Variants in KLRG1 observed in about 807,000 individuals in gnomAD.
KLRG1 encodes the protein killer cell lectin like receptor G1, also known as killer cell lectin-like receptor subfamily G member 1.
In KLRG1, 16 loss-of-function variants were observed where a neutral mutation model predicts 21.8. The ratio of observed to expected loss-of-function variants is 0.73; its 90% CI spans 0.50 to 1.11. The LOEUF is 1.11. Among genes scored for constraint, KLRG1 ranks in the 50% most tolerant of loss-of-function variants. The pLI, the probability that KLRG1 is intolerant of heterozygous loss-of-function variation, is 0.00. For missense variants in KLRG1, 173 were observed against 218.3 expected, an observed-to-expected ratio of 0.79 and a Z score of 1.31; for synonymous variants, 69 against 75.9, an observed-to-expected ratio of 0.91 and a Z score of 0.47.
the KLRG1 span, chr12:9,153,084 G>A: frequency 6.2e-7 from 1 of 1,609,716 alleles, no homozygotes; most frequent in Non-Finnish European, 8.5e-7. Flanking sequence ...CAATTGGCAA[G>A]TTTAAAGTTG....
the KLRG1 span, chr12:9,166,263 G>A: frequency 6.5e-7 from 1 of 1,547,914 alleles, no homozygotes; most frequent in Non-Finnish European, 8.8e-7. Flanking sequence ...TGGTGCACAT[G>A]TGAGACGTTA....
intron 2 of KLRG1, among the ~76,000 whole-genome samples, 178 bp from the exon 3 acceptor site, chr12:8,994,930 TGGACATTATGA>T (rs936407513): frequency 1.6e-4 from 24 of 152,238 alleles, no homozygotes; most frequent in Non-Finnish European, 8.8e-5. Flanking sequence ...ATGATGGAGT[TGGACATTATGA>T]GGACATTATG....
chr12:9,057,463 G>T, the KLRG1 span, among the ~76,000 whole-genome samples: 7 of 152,124 alleles, frequency 4.6e-5, no homozygotes, highest in Admixed American at 4.6e-4. Flanking sequence ...TCACCACTGT[G>T]CAATGTAGCC....
chr12:9,200,538 A>C, the KLRG1 span: 1 of 1,010,790 alleles, frequency 9.9e-7, no homozygotes, highest in Non-Finnish European at 1.5e-6. Context: ...TTTTCCCAAA[A>C]TAACACTCTG....
chr12:9,194,031 T>C, the KLRG1 span: 1 of 1,544,374 alleles, frequency 6.5e-7, no homozygotes, highest in Non-Finnish European at 8.9e-7. Flanking sequence ...ATATCACTGT[T>C]CCTAACATTT....
chr12:9,114,883 A>G, the KLRG1 span, among the ~76,000 whole-genome samples: 1 of 152,208 alleles, frequency 6.6e-6, no homozygotes, highest in Non-Finnish European at 1.5e-5. Context: ...TCAAAACAAA[A>G]TAAATACAAA....
At chr12:9,196,010 G>C in the KLRG1 span, among the ~76,000 whole-genome samples, 2 of 152,026 alleles carry the variant, frequency 1.3e-5, no homozygotes, top group South Asian at 4.1e-4. Context: ...AAATTCTGAT[G>C]CTGCCCAGGT....
chr12:8,987,290 T>A (rs996156094), upstream of KLRG1: 1 of 152,138 alleles, frequency 6.6e-6, no homozygotes, highest in Non-Finnish European at 1.5e-5. Flanking sequence ...TTAAATCAGG[T>A]TACAAGGGTG....
At chr12:9,129,400 C>A in the KLRG1 span, among the ~76,000 whole-genome samples, 2 of 151,842 alleles carry the variant, frequency 1.3e-5, no homozygotes, top group Admixed American at 1.3e-4. Flanking sequence ...TTTTTCTAAT[C>A]TTTCTCTGAC....
At chr12:9,017,169 C>T in the KLRG1 span, among the ~76,000 whole-genome samples, 20 of 141,834 alleles carry the variant, frequency 1.4e-4, no homozygotes, top group African/African-American at 5.3e-4. Context: ...GAAGCTGAGA[C>T]AGGAGAATCA....
the KLRG1 span, among the ~76,000 whole-genome samples, chr12:9,137,294 C>T: frequency 6.6e-5 from 10 of 152,120 alleles, no homozygotes; most frequent in East Asian, 1.7e-3. Flanking sequence ...CTATCCATTC[C>T]CCCTAGTGTA....
intron 1 of KLRG1, among the ~76,000 whole-genome samples, chr12:8,964,553 C>T (rs1465580291): frequency 1.4e-4 from 22 of 151,770 alleles, no homozygotes; most frequent in South Asian, 2.1e-4. Flanking sequence ...CTATTAGGTC[C>T]GCTTGGTGCA....
the KLRG1 span, chr12:9,162,741 A>G: frequency 9.8e-7 from 1 of 1,017,154 alleles, no homozygotes; most frequent in Admixed American, 2.1e-5. Flanking sequence ...TAGGGTTTAC[A>G]CGAATGATGT....
chr12:9,193,976 T>C, the KLRG1 span: 1 of 1,154,518 alleles, frequency 8.7e-7, no homozygotes, highest in South Asian at 2.1e-5. Flanking sequence ...TTAGATATCT[T>C]CTTATTTCTT....
At chr12:9,098,031 C>T in the KLRG1 span, among the ~76,000 whole-genome samples, 1 of 152,212 alleles carries the variant, frequency 6.6e-6, no homozygotes, top group Non-Finnish European at 1.5e-5. Flanking sequence ...AATGTTGAAA[C>T]TAGTTTGACA....
At chr12:9,101,017 G>T in the KLRG1 span, 1 of 810,398 alleles carries the variant, frequency 1.2e-6, no homozygotes, top group Non-Finnish European at 1.9e-6. Context: ...ATTCATTCAT[G>T]TGACCAAACA....
At chr12:9,132,553 T>C in the KLRG1 span, among the ~76,000 whole-genome samples, 466 of 152,238 alleles carry the variant, frequency 3.1e-3, 5 homozygotes, top group African/African-American at 0.011. Flanking sequence ...TACTCTGGCA[T>C]GAATATGACA....
the KLRG1 span, chr12:9,052,733 G>C: frequency 2.4e-6 from 1 of 408,728 alleles, no homozygotes; most frequent in South Asian, 1.9e-5. Flanking sequence ...TTTTTCACTT[G>C]GAGCTTGGGA....
the KLRG1 span, among the ~76,000 whole-genome samples, chr12:9,100,458 T>G: frequency 3.3e-5 from 5 of 151,598 alleles, no homozygotes; most frequent in Middle Eastern, 3.4e-3. Context: ...TTATTTACTT[T>G]TATAGAGATG....
Sources: allele counts gnomAD v4.1 joint callset (sites outside exome capture counted in the v4.1 genomes callset), GRCh38; gene constraint gnomAD v4.1.1; transcripts MANE v1.5; gene names NCBI Gene and HGNC (gene_info 2026-07-23, HGNC 2026-07-21).